Variants in RAP1GAP observed in about 807,000 individuals in gnomAD.
The protein encoded by RAP1GAP is rap1 GTPase-activating protein 1.
RAP1GAP carries 35 observed loss-of-function variants against 87.2 expected under a neutral mutation model. That is an observed-to-expected ratio of 0.40 (90% CI 0.31 to 0.53). The LOEUF is 0.53. Ranked by LOEUF, RAP1GAP falls within the 20% of genes least tolerant of loss-of-function variation. The pLI is 0.48. For synonymous variants in RAP1GAP, 375 were observed against 363.9 expected (o/e 1.03, Z -0.35); for missense variants, 734 against 898.9 (o/e 0.82, Z 2.35).
chr1:21,667,151 G>A (rs569738463), intron 1 of RAP1GAP, among the ~76,000 whole-genome samples: 35 of 152,354 alleles, frequency 2.3e-4, no homozygotes, highest in African/African-American at 7.7e-4. Flanking sequence ...AAAGGCCTCC[G>A]TAGACAGATG....
At position 21,660,297 on chromosome 1, in the gene RAP1GAP, G is replaced by C. The variant is rs113247574; in HGVS notation, c.-149+8957C>G. Among the ~76,000 whole-genome samples the C allele has an allele frequency of 5.4e-3, 659 of 122,424 alleles. 3 individuals carry two copies. Among genetic ancestry groups the C allele is most frequent in the Non-Finnish European group, 8.1e-3 (465 of 57,348 alleles). The allele number at this position is 122,424 out of a possible 152,430, so 80.3% of individuals were successfully genotyped here. On this transcript the variant is annotated intron_variant, in intron 1 of 24. Transcript: ENST00000374765. Reference sequence around the variant, plus strand: ...GGGCAGTGTGAGCCAGTGAGGAAGGGCACAGGCTCAAGAGGGCTGGACAGA... The same window carrying C: ...GGGCAGTGTGAGCCAGTGAGGAAGGCCACAGGCTCAAGAGGGCTGGACAGA...
chr1:21,613,001 G>C lies in RAP1GAP; in HGVS notation c.528+175C>G. 1 of 704,470 alleles carries C rather than the reference G, an allele frequency of 1.4e-6. No homozygotes were observed. 43.6% of individuals were successfully genotyped at this position (704,470 alleles called of 1,614,324 possible). A position where few individuals can be genotyped will look rare whatever the true frequency, so the allele number is the denominator to read the frequency against. On this transcript the variant is annotated intron_variant, in intron 10 of 24. Transcript: ENST00000374765. The surrounding 1 kb of genome is among the most constrained non-coding windows in gnomAD (Gnocchi z 4.7). ...TATCTGCTGTGCACCCTGGGGGAAG[G>C]CACAGGCCCTTTCGGTGGCTCCTCT...
intron 4 of RAP1GAP, 81 bp downstream of exon 4, chr1:21,619,934 C>T: frequency 6.8e-7 from 1 of 1,465,222 alleles, no homozygotes. Flanking sequence ...AGGTGAAGGG[C>T]TGGAGATGCA....
In RAP1GAP at chr1:21,622,902, C is replaced by G. The variant is rs2089719993; in HGVS notation, c.-18-2852G>C. On this transcript the variant is annotated intron_variant, in intron 3 of 24. Coordinates refer to ENST00000374765, the MANE Select transcript of RAP1GAP (RefSeq NM_002885.4). The surrounding 1 kb of genome is among the most constrained non-coding windows in gnomAD (Gnocchi z 5.7). ...TTAATGCTGGGCCCTTCGCATGTGT[C>G]GTAATCTCGTCACAGCCCAGGAGGT... The G allele has an allele frequency of 6.6e-6, 1 of 152,208 alleles. No homozygotes were observed. The highest frequency in any genetic ancestry group is 2.4e-5 in the African/African-American group (1 of 41,454). 9.4% of individuals were successfully genotyped at this position (152,208 alleles called of 1,614,324 possible).
chr1:21,652,490 T>G (rs188755911), intron 1 of RAP1GAP, among the ~76,000 whole-genome samples: 1 of 152,074 alleles, frequency 6.6e-6, no homozygotes, highest in African/African-American at 2.4e-5. Context: ...GAGCCTCCAA[T>G]AGCCCCTCCT....
chr1:21,610,771 G>A (rs1472593426), intron 13 of RAP1GAP, among the ~76,000 whole-genome samples: 2 of 152,096 alleles, frequency 1.3e-5, no homozygotes, highest in Non-Finnish European at 2.9e-5. Flanking sequence ...GAATAAACAA[G>A]CTCAACTTGG....
chr1:21,651,748 G>T, intron 1 of RAP1GAP: 4 of 1,425,048 alleles, frequency 2.8e-6, no homozygotes, highest in Non-Finnish European at 3.7e-6. Context: ...ACGCGCGCAC[G>T]CGCCCCGCCC....
intron 2 of RAP1GAP, among the ~76,000 whole-genome samples, chr1:21,641,703 A>G (rs2095540509): frequency 6.6e-6 from 1 of 152,214 alleles, no homozygotes; most frequent in Admixed American, 6.5e-5. Flanking sequence ...GCCCGTTTGC[A>G]GGCATGGAAA....
chr1:21,614,190 G>A (rs1011272597), intron 7 of RAP1GAP, 101 bp from the exon 8 acceptor site: 15 of 734,882 alleles, frequency 2.0e-5, no homozygotes, highest in African/African-American at 1.2e-4. Context: ...CAGGTCCTTC[G>A]CCGATAGCAG....
At position 21,604,012 on chromosome 1, in the gene RAP1GAP, A is replaced by G. The variant is rs114523368; in HGVS notation, c.1429-1099T>C. The stretch of plus-strand genomic sequence containing the variant: ...GGGAGACACAGAGAGGAGGAGAGGC[A>G]GGGAAAGGAGGAAGACAGACAGAAA... On this transcript the variant is annotated intron_variant, in intron 18 of 24. Transcript: ENST00000374765. 3,087 of 918,268 alleles carry G rather than the reference A, an allele frequency of 3.4e-3. 64 individuals carry two copies. In the African/African-American group the frequency reaches 0.045, roughly 13 times the overall value. The allele number at this position is 918,268 out of a possible 1,614,324, so 56.9% of individuals were successfully genotyped here.
intron 1 of RAP1GAP, chr1:21,651,683 C>A: frequency 7.7e-7 from 1 of 1,298,994 alleles, no homozygotes; most frequent in African/African-American, 1.5e-5. Context: ...CCAGGCCCAC[C>A]CGCCCAAACG....
At chr1:21,663,350 T>G (rs1487184101) in intron 1 of RAP1GAP, among the ~76,000 whole-genome samples, 1 of 152,200 alleles carries the variant, frequency 6.6e-6, no homozygotes, top group Non-Finnish European at 1.5e-5. Context: ...GTGGGCACAG[T>G]GCCTACAGCA....
At chr1:21,623,661 T>C (rs1475334014) in intron 3 of RAP1GAP, among the ~76,000 whole-genome samples, 1 of 152,220 alleles carries the variant, frequency 6.6e-6, no homozygotes, top group East Asian at 1.9e-4. Flanking sequence ...GGTTTGGGCC[T>C]GGAGAGCCAG....
intron 24 of RAP1GAP, 79 bp downstream of exon 24, chr1:21,597,607 G>A: frequency 7.3e-7 from 1 of 1,361,572 alleles, no homozygotes; most frequent in Non-Finnish European, 1.0e-6. Flanking sequence ...GGTGACAGAA[G>A]AACAGGGAGG....
At position 21,606,921 on chromosome 1, in the gene RAP1GAP, G is replaced by A. The variant is rs542193559; in HGVS notation, c.1297-724C>T. Among the ~76,000 whole-genome samples the A allele has an allele frequency of 1.2e-4, 19 of 152,252 alleles. No homozygotes were observed. In the South Asian group the frequency reaches 3.1e-3, roughly 25 times the overall value. On this transcript the variant is annotated intron_variant, in intron 17 of 24. Coordinates refer to ENST00000374765, the MANE Select transcript of RAP1GAP (RefSeq NM_002885.4). ...AGCACCTACCAGATGTGGGACCATC[G>A]GAGCCCTCCTCAAAGGAGACACCCC...
chr1:21,610,367 G>T lies in RAP1GAP; in HGVS notation c.844-92C>A. Reference sequence around the variant, plus strand: ...CGGGGGTTTAGGAGGGTTTGGGGTAGTCAGAGGGCACATCTAAGGATTTGC... The same window carrying T: ...CGGGGGTTTAGGAGGGTTTGGGGTATTCAGAGGGCACATCTAAGGATTTGC... On this transcript the variant is annotated intron_variant, in intron 13 of 24. Transcript: ENST00000374765. 3 of 1,343,104 alleles carry T rather than the reference G, an allele frequency of 2.2e-6. No homozygotes were observed. In the South Asian group the frequency reaches 3.8e-5, roughly 17 times the overall value. 83.2% of individuals were successfully genotyped at this position (1,343,104 alleles called of 1,614,324 possible). A position where few individuals can be genotyped will look rare whatever the true frequency, so the allele number is the denominator to read the frequency against.
chr1:21,642,254 G>A (rs2095592627), intron 2 of RAP1GAP, among the ~76,000 whole-genome samples: 1 of 152,220 alleles, frequency 6.6e-6, no homozygotes, highest in Non-Finnish European at 1.5e-5. Context: ...CACACCAAGC[G>A]CAATTCCGCA....
rs58359978 is a variant in RAP1GAP at position 21,643,556 on chromosome 1, CAAAAAAA to C, written c.-113+6198_-113+6204del. ...TGGGCGAGACAGCAAGACTCCGTCT[CAAAAAAA>C]AAAAAAAAAAAAGAAAAAAGAAAAA... On this transcript the variant is annotated intron_variant, in intron 2 of 24. Transcript: ENST00000374765. Among the ~76,000 whole-genome samples, 84 of 66,484 alleles carry C rather than the reference CAAAAAAA, an allele frequency of 1.3e-3. 1 individual carries two copies. Among genetic ancestry groups the C allele is most frequent in the East Asian group, 5.3e-3 (14 of 2,648 alleles). 43.6% of individuals were successfully genotyped at this position (66,484 alleles called of 152,430 possible). A position where few individuals can be genotyped will look rare whatever the true frequency, so the allele number is the denominator to read the frequency against.
At chr1:21,659,063 C>A (rs1402752952) in intron 1 of RAP1GAP, among the ~76,000 whole-genome samples, 1 of 151,410 alleles carries the variant, frequency 6.6e-6, no homozygotes, top group African/African-American at 2.4e-5. Flanking sequence ...CACCATCAGG[C>A]CCAGCTAATT....
Sources: allele counts gnomAD v4.1 joint callset (sites outside exome capture counted in the v4.1 genomes callset), GRCh38; gene constraint gnomAD v4.1.1; non-coding constraint Gnocchi (gnomAD v3.1); transcripts MANE v1.5; gene names NCBI Gene and HGNC (gene_info 2026-07-23, HGNC 2026-07-21).